The following CCDC42 variants were observed in gnomAD, a reference collection of about 807,000 sequenced individuals.
CCDC42 encodes coiled-coil domain-containing protein 42.
A neutral mutation model predicts 40.8 loss-of-function variants in CCDC42; 38 were observed. That is an observed-to-expected ratio of 0.93 (90% confidence interval 0.72 to 1.22). CCDC42 has a LOEUF of 1.22. Ranked by LOEUF, CCDC42 falls within the 50% of genes most tolerant of loss-of-function variation. The pLI is 0.00. For synonymous variants in CCDC42, 135 were observed against 157.5 expected (o/e 0.86, Z 1.07); for missense variants, 379 against 416.5 (o/e 0.91, Z 0.78).
intron 6 of CCDC42, among the ~76,000 whole-genome samples, chr17:8,732,709 A>C (rs2086588661): frequency 6.6e-6 from 1 of 152,154 alleles, no homozygotes; most frequent in Admixed American, 6.5e-5. Flanking sequence ...TTGTTTTTTT[A>C]ATCTCATCTT....
chr17:8,741,760 C>A lies in CCDC42; in HGVS notation c.295-89G>T, dbSNP rs1030883546. The A allele has an allele frequency of 4.6e-6, 6 of 1,295,336 alleles. No individual in the cohort carries two copies. In the East Asian group the frequency reaches 1.2e-4, roughly 27 times the overall value. The allele number at this position is 1,295,336 out of a possible 1,614,324, so 80.2% of individuals were successfully genotyped here. A position where few individuals can be genotyped will look rare whatever the true frequency, so the allele number is the denominator to read the frequency against. On this transcript the variant is annotated intron_variant, in intron 3 of 6. Coordinates refer to ENST00000293845, the MANE Select transcript of CCDC42 (RefSeq NM_144681.3). ...TCCTGGGGCTGGTGGTGCCCTCAGA[C>A]CCCTCTGTCTGCACAAACCATCCTG...
At chr17:8,742,132 T>C (rs1377773897) in intron 3 of CCDC42, among the ~76,000 whole-genome samples, 1 of 151,658 alleles carries the variant, frequency 6.6e-6, no homozygotes, top group Non-Finnish European at 1.5e-5. Flanking sequence ...GCTTCTGTGG[T>C]TTCTGTTCTT....
At chr17:8,733,629 T>A (rs189110038) in intron 6 of CCDC42, among the ~76,000 whole-genome samples, 206 of 152,342 alleles carry the variant, frequency 1.4e-3, no homozygotes, top group Middle Eastern at 3.4e-3. Context: ...TAGCTGGGAT[T>A]ACAGGTGCCT....
intron 4 of CCDC42, among the ~76,000 whole-genome samples, chr17:8,736,313 G>T (rs2086611190): frequency 6.6e-6 from 1 of 152,200 alleles, no homozygotes; most frequent in African/African-American, 2.4e-5. Context: ...TCTGGTATTT[G>T]TTCATTTACT....
rs925698417 is a variant in CCDC42 at position 8,735,937 on chromosome 17, T to C, written c.493-326A>G. ...CTCCACCCCCAGAGATTCAGATGAA[T>C]AAACAAGTCTTCTGTGGTCTCTGGC... On this transcript the variant is annotated intron_variant, in intron 4 of 6. Transcript: ENST00000293845. The surrounding 1 kb of genome is among the most constrained non-coding windows in gnomAD (Gnocchi z 4.7). Among the ~76,000 whole-genome samples, 4 of 152,154 alleles carry C rather than the reference T, an allele frequency of 2.6e-5. No homozygotes were observed. The highest frequency in any genetic ancestry group is 2.4e-5 in the African/African-American group (1 of 41,432).
At chr17:8,743,185 C>G (rs1378229464) in intron 3 of CCDC42, among the ~76,000 whole-genome samples, 1 of 152,186 alleles carries the variant, frequency 6.6e-6, no homozygotes, top group Non-Finnish European at 1.5e-5. Flanking sequence ...TTGGAATGGA[C>G]TCTGGTGCCT....
chr17:8,741,324 G>A, intron 4 of CCDC42, 150 bp downstream of exon 4: 3 of 759,414 alleles, frequency 4.0e-6, no homozygotes, highest in East Asian at 4.9e-5. Flanking sequence ...CTCGGAGCAG[G>A]GTGCCCATCC....
rs1160880851 is a variant in CCDC42, at chr17:8,743,681, C to T, written c.239G>A (p.Gly80Asp). 4 of 1,613,220 alleles carry T rather than the reference C, an allele frequency of 2.5e-6. No homozygotes were observed. Among genetic ancestry groups the T allele is most frequent in the African/African-American group, 2.7e-5 (2 of 74,864 alleles). The change falls in exon 3 of 7, where the codon GGC (glycine) becomes GAC (aspartate). Residue 80 changes from glycine (G) to aspartate (D), a missense_variant. Physicochemically the swap from Gly to Asp is moderately conservative, Grantham distance 94. Transcript: ENST00000293845. ...AGCCTTCAGTTGGGCTTCCTTAACG[C>T]CCAGTTCCTCCCAGCGCAGGTTCAG... ...ETLNLRWEEL[G>D]VKEAQLKAHI... is the part of the protein sequence containing the mutation.
chr17:8,733,811 A>C (rs2152142276), intron 6 of CCDC42, among the ~76,000 whole-genome samples: 1 of 152,172 alleles, frequency 6.6e-6, no homozygotes, highest in South Asian at 2.1e-4. Context: ...CTTTCTTTAC[A>C]ACAGCTAAGG....
chr17:8,730,675 T>A (rs2086575208), intron 6 of CCDC42, among the ~76,000 whole-genome samples: 1 of 152,124 alleles, frequency 6.6e-6, no homozygotes, highest in African/African-American at 2.4e-5. Flanking sequence ...TTTCTCTCAT[T>A]TGACAATGTT....
chr17:8,734,440 T>C (rs951016207), intron 6 of CCDC42, among the ~76,000 whole-genome samples: 3 of 152,236 alleles, frequency 2.0e-5, no homozygotes, highest in African/African-American at 7.2e-5. Flanking sequence ...AATTATTTGT[T>C]TTAGGGAACT....
chr17:8,742,099 GGA>G (rs2086649471), intron 3 of CCDC42, among the ~76,000 whole-genome samples: 1 of 152,056 alleles, frequency 6.6e-6, no homozygotes, highest in African/African-American at 2.4e-5. Context: ...TCCAGAAGTG[GGA>G]GCAAGAACCC....
intron 6 of CCDC42, among the ~76,000 whole-genome samples, chr17:8,734,045 C>T (rs1467272849): frequency 2.0e-5 from 3 of 152,126 alleles, no homozygotes; most frequent in Admixed American, 6.5e-5. Flanking sequence ...ACAGAATGAA[C>T]GCAGGAGTGG....
chr17:8,735,394 A>G lies in CCDC42; in HGVS notation c.710T>C (p.Phe237Ser), dbSNP rs753089209. 4 of 1,613,934 alleles carry G rather than the reference A, an allele frequency of 2.5e-6. No homozygotes were observed. Among genetic ancestry groups the G allele is most frequent in the Non-Finnish European group, 3.4e-6 (4 of 1,180,012 alleles). ...GGCCCGCCCCGGGCCCCTCACCCAG[A>G]AGATGACATTGCTGCGGGCACGGTC... The part of the protein sequence containing the change: ...RFDRARSNVI[F>S]WESRWAHIQN... Residue 237 changes from phenylalanine (F) to serine (S), a missense_variant, in exon 5 of 7, where the codon TTC becomes TCC. Physicochemically the swap from Phe to Ser is radical, Grantham distance 155 (BLOSUM62 -2). Coordinates refer to ENST00000293845, the MANE Select transcript of CCDC42 (RefSeq NM_144681.3). The surrounding 1 kb of genome is among the most constrained non-coding windows in gnomAD (Gnocchi z 4.7).
At position 8,735,288 on chromosome 17, in the gene CCDC42, G is replaced by A; in HGVS notation, c.715-34C>T. On this transcript the variant is annotated intron_variant, in intron 5 of 6. Coordinates refer to ENST00000293845, the MANE Select transcript of CCDC42 (RefSeq NM_144681.3). This position sits in a 1 kb window ranked among gnomAD's most constrained non-coding sequence, Gnocchi z 4.7. ...TGGATAAGGACGGGGCATGAGCACA[G>A]CATGTGGTGTGTGTGTGTTTGTGTG... 1 of 1,613,752 alleles carries A rather than the reference G, an allele frequency of 6.2e-7. No homozygotes were observed. The highest frequency in any genetic ancestry group is 8.5e-7 in the Non-Finnish European group (1 of 1,179,766).
chr17:8,734,531 A>G (rs1026236217), intron 6 of CCDC42, among the ~76,000 whole-genome samples: 5 of 150,690 alleles, frequency 3.3e-5, no homozygotes, highest in African/African-American at 1.2e-4. Context: ...CTCTAAGTCA[A>G]TTGCTGTTTT....
intron 1 of CCDC42, among the ~76,000 whole-genome samples, 162 bp from the exon 2 acceptor site, chr17:8,744,346 G>A (rs1456207986): frequency 1.3e-5 from 2 of 152,134 alleles, no homozygotes; most frequent in African/African-American, 4.8e-5. Context: ...GGCCATGCAG[G>A]AGTGAGCAGG....
intron 4 of CCDC42, among the ~76,000 whole-genome samples, chr17:8,736,292 C>T (rs1284966990): frequency 6.6e-6 from 1 of 152,168 alleles, no homozygotes; most frequent in African/African-American, 2.4e-5. Flanking sequence ...AAAGCCTTCA[C>T]GTTGGTGATC....
At chr17:8,732,667 C>T (rs2086588436) in intron 6 of CCDC42, among the ~76,000 whole-genome samples, 1 of 152,166 alleles carries the variant, frequency 6.6e-6, no homozygotes, top group Admixed American at 6.5e-5. Context: ...CATCTCAGGG[C>T]ATAGAACTAT....
Sources: allele counts gnomAD v4.1 joint callset (sites outside exome capture counted in the v4.1 genomes callset), GRCh38; gene constraint gnomAD v4.1.1; non-coding constraint Gnocchi (gnomAD v3.1); transcripts MANE v1.5; gene names NCBI Gene and HGNC (gene_info 2026-07-23, HGNC 2026-07-21).